CEP112: variants seen among roughly 807,000 people sequenced by gnomAD.
CEP112 encodes the protein centrosomal protein 112.
In CEP112, 127 loss-of-function variants were observed where a neutral mutation model predicts 153.0. The observed-to-expected ratio is 0.83, with a 90% CI of 0.72 to 0.96. The LOEUF (loss-of-function observed/expected upper bound fraction) is 0.96. Ranked by LOEUF, CEP112 falls within the 40% of genes least tolerant of loss-of-function variation. The pLI is 0.00. For synonymous variants in CEP112, 358 were observed against 374.4 expected, an observed-to-expected ratio of 0.96 and a Z score of 0.51; for missense variants, 1,089 against 1,101.2, an observed-to-expected ratio of 0.99 and a Z score of 0.16.
intron 20 of CEP112, among the ~76,000 whole-genome samples, chr17:65,889,860 G>A (rs756050133): frequency 1.7e-4 from 26 of 151,850 alleles, no homozygotes; most frequent in Non-Finnish European, 3.2e-4. Flanking sequence ...ATCATCTCTC[G>A]CGAGGGTGAC....
chr17:65,757,660 C>A (rs1293304994), intron 21 of CEP112, among the ~76,000 whole-genome samples: 1 of 152,136 alleles, frequency 6.6e-6, no homozygotes, highest in Non-Finnish European at 1.5e-5. Flanking sequence ...ATTAACTGAT[C>A]AACTTTTGTG....
intron 12 of CEP112, among the ~76,000 whole-genome samples, chr17:66,042,076 C>T (rs1022615075): frequency 1.2e-4 from 19 of 152,114 alleles, no homozygotes; most frequent in African/African-American, 4.6e-4. Context: ...TGGCTGGGCA[C>T]GGTGATTCAT....
intron 21 of CEP112, among the ~76,000 whole-genome samples, chr17:65,833,629 A>G (rs1473435417): frequency 6.6e-6 from 1 of 152,204 alleles, no homozygotes; most frequent in Non-Finnish European, 1.5e-5. Context: ...AATACATAAT[A>G]TACCTAGGAA....
intron 4 of CEP112, among the ~76,000 whole-genome samples, chr17:66,158,245 C>T (rs1055873526): frequency 1.3e-5 from 2 of 152,120 alleles, no homozygotes; most frequent in African/African-American, 4.8e-5. Context: ...CACTCAAAAC[C>T]GCACAACTAC....
chr17:65,684,107 A>G (rs2047669920), intron 24 of CEP112, among the ~76,000 whole-genome samples: 2 of 152,152 alleles, frequency 1.3e-5, no homozygotes, highest in Middle Eastern at 3.2e-3. Flanking sequence ...CATTTTATAC[A>G]CATCCCATTT....
rs983468402 is a variant in CEP112, at chr17:66,003,401, C to A, written c.1736+2289G>T. ...CTAAAAGATACTATATTGTTATATA[C>A]ATAAACTCCTAATATCACACTGAAA... On this transcript the variant is annotated intron_variant, in intron 17 of 26. Transcript: ENST00000535342. Among the ~76,000 whole-genome samples the A allele has an allele frequency of 3.3e-5, 5 of 152,266 alleles. No individual in the cohort carries two copies. In the East Asian group the frequency reaches 7.7e-4, roughly 24 times the overall value.
At position 66,005,742 on chromosome 17, in the gene CEP112, T is replaced by C. The variant is rs2064246496; in HGVS notation, c.1684A>G (p.Lys562Glu). ...KAHDLQSELD[K>E]GKEDTQKKIH... The stretch of plus-strand genomic sequence containing the variant: ...TTCTTTTGAGTATCTTCTTTTCCTT[T>C]ATCAAGTTCACTCTGCAAGTCATGA... Residue 562 changes from lysine (K) to glutamate (E), a missense_variant, in exon 17 of 27, where the codon AAA becomes GAA. By Grantham distance (56) the Lys-to-Glu change is moderately conservative. Transcript: ENST00000535342. The C allele has an allele frequency of 1.9e-6, 3 of 1,609,280 alleles. No individual in the cohort carries two copies. The highest frequency in any genetic ancestry group is 1.7e-5 in the Admixed American group (1 of 59,220).
chr17:65,990,664 G>A (rs11871229), intron 17 of CEP112, among the ~76,000 whole-genome samples: 3,070 of 152,354 alleles, frequency 0.02, 50 homozygotes, highest in Non-Finnish European at 0.032. Flanking sequence ...CCACAAGCTG[G>A]AGTGCTCTGG....
At chr17:65,654,178 A>T (rs564798683) in intron 24 of CEP112, among the ~76,000 whole-genome samples, 1 of 151,830 alleles carries the variant, frequency 6.6e-6, no homozygotes, top group South Asian at 2.1e-4. Flanking sequence ...TTCCATTCTT[A>T]TTGGGGTTAA....
At chr17:65,865,189 A>G (rs994935444) in intron 20 of CEP112, among the ~76,000 whole-genome samples, 2 of 151,920 alleles carry the variant, frequency 1.3e-5, no homozygotes, top group African/African-American at 2.4e-5. Context: ...TCACAGGTGC[A>G]TGCCACCACG....
At chr17:66,081,905 A>G (rs148207140) in intron 8 of CEP112, among the ~76,000 whole-genome samples, 103 of 152,178 alleles carry the variant, frequency 6.8e-4, no homozygotes, top group African/African-American at 2.3e-3. Flanking sequence ...ACAGAGCAAG[A>G]CTCCATCTCA....
At chr17:65,716,093 A>G (rs1416342750) in intron 23 of CEP112, among the ~76,000 whole-genome samples, 1 of 152,196 alleles carries the variant, frequency 6.6e-6, no homozygotes, top group Non-Finnish European at 1.5e-5. Flanking sequence ...AAAGCAAAGA[A>G]TAAGAAACGA....
intron 4 of CEP112, among the ~76,000 whole-genome samples, chr17:66,153,280 A>G (rs192557576): frequency 9.8e-4 from 150 of 152,326 alleles, no homozygotes; most frequent in African/African-American, 3.5e-3. Context: ...ACTGAAAACA[A>G]TCCAAATATC....
At chr17:66,016,034 C>T (rs779489688) in intron 16 of CEP112, among the ~76,000 whole-genome samples, 3 of 152,146 alleles carry the variant, frequency 2.0e-5, no homozygotes, top group Non-Finnish European at 4.4e-5. Context: ...ACTATGTGAT[C>T]GTAAGTCTGC....
chr17:65,967,034 A>C (rs780580447), intron 17 of CEP112, among the ~76,000 whole-genome samples: 51 of 152,332 alleles, frequency 3.3e-4, no homozygotes, highest in Non-Finnish European at 6.2e-4. Flanking sequence ...TGATGATCCA[A>C]AACACTAAAT....
At chr17:65,969,277 G>T (rs1228902604) in intron 17 of CEP112, among the ~76,000 whole-genome samples, 4 of 151,926 alleles carry the variant, frequency 2.6e-5, no homozygotes, top group Non-Finnish European at 5.9e-5. Context: ...TAAACATGGG[G>T]TTTTGCCATG....
chr17:65,669,847 G>A (rs1325093812), intron 24 of CEP112, among the ~76,000 whole-genome samples: 2 of 151,348 alleles, frequency 1.3e-5, no homozygotes, highest in African/African-American at 4.9e-5. Context: ...AGGTTGCGGT[G>A]AGCCGAGATC....
At chr17:65,992,572 T>A (rs2063632669) in intron 17 of CEP112, among the ~76,000 whole-genome samples, 1 of 152,180 alleles carries the variant, frequency 6.6e-6, no homozygotes, top group African/African-American at 2.4e-5. Flanking sequence ...TAGTCTAAAA[T>A]TTCTGCTTAC....
chr17:65,922,362 T>C (rs2060764587), intron 19 of CEP112, among the ~76,000 whole-genome samples: 1 of 152,142 alleles, frequency 6.6e-6, no homozygotes, highest in African/African-American at 2.4e-5. Flanking sequence ...GGAGAGTTAC[T>C]CTTTGCCTAA....
Sources: allele counts gnomAD v4.1 joint callset (sites outside exome capture counted in the v4.1 genomes callset), GRCh38; gene constraint gnomAD v4.1.1; transcripts MANE v1.5; gene names NCBI Gene and HGNC (gene_info 2026-07-23, HGNC 2026-07-21).